Variants in TNRC6B observed in about 807,000 individuals in gnomAD.
TNRC6B encodes the protein trinucleotide repeat-containing gene 6B protein.
Under a neutral mutation model 203.6 loss-of-function variants are expected in TNRC6B, and 52 were observed. That is an observed-to-expected ratio of 0.26 (90% confidence interval 0.20 to 0.32). TNRC6B has a LOEUF of 0.32. Ranked by LOEUF, TNRC6B falls within the 10% of genes least tolerant of loss-of-function variation. The pLI is 1.00. For synonymous variants in TNRC6B, 838 were observed against 845.7 expected (o/e 0.99, Z 0.16); for missense variants, 1,923 against 2,286.2 (o/e 0.84, Z 3.24).
intron 1 of TNRC6B, among the ~76,000 whole-genome samples, chr22:40,222,162 G>A (rs900920371): frequency 8.5e-5 from 13 of 152,080 alleles, no homozygotes; most frequent in African/African-American, 3.1e-4. Flanking sequence ...GGGAGTCCCT[G>A]GAACCTCTTA....
At chr22:40,077,818 G>A (rs186966515) in intron 1 of TNRC6B, among the ~76,000 whole-genome samples, 3 of 152,182 alleles carry the variant, frequency 2.0e-5, no homozygotes, top group African/African-American at 7.2e-5. Flanking sequence ...CATGTCAGTG[G>A]ATACATACTG....
chr22:40,113,332 C>T (rs1224388697), intron 1 of TNRC6B, among the ~76,000 whole-genome samples: 1 of 152,010 alleles, frequency 6.6e-6, no homozygotes, highest in African/African-American at 2.4e-5. Context: ...TAAATAAAAC[C>T]ATCTGTTTCT....
intron 15 of TNRC6B, among the ~76,000 whole-genome samples, chr22:40,302,632 CAAAAAAA>C (rs200078286): frequency 1.4e-5 from 1 of 70,458 alleles, no homozygotes; most frequent in African/African-American, 6.5e-5. Flanking sequence ...GACCCCATCT[CAAAAAAA>C]AAAAAAAAAA....
chr22:40,315,678 A>G (rs2071247544), intron 20 of TNRC6B, among the ~76,000 whole-genome samples, 171 bp downstream of exon 20: 1 of 8,220 alleles, frequency 1.2e-4, no homozygotes, highest in Admixed American at 1.3e-3. Context: ...CGCAGTCAGT[A>G]TAAGGCAAAG....
chr22:40,322,090 TC>T (rs2071341468), intron 22 of TNRC6B, among the ~76,000 whole-genome samples: 1 of 152,182 alleles, frequency 6.6e-6, no homozygotes, highest in Admixed American at 6.5e-5. Context: ...GAGCAGCACT[TC>T]CGGGGACTGA....
intron 1 of TNRC6B, among the ~76,000 whole-genome samples, chr22:40,114,715 A>G (rs1179474532): frequency 6.6e-6 from 1 of 152,128 alleles, no homozygotes; most frequent in Non-Finnish European, 1.5e-5. Flanking sequence ...CACCCCTTCT[A>G]TGAATTCCAA....
At chr22:40,134,757 A>T (rs973606312) in intron 3 of TNRC6B, among the ~76,000 whole-genome samples, 1 of 152,232 alleles carries the variant, frequency 6.6e-6, no homozygotes, top group Non-Finnish European at 1.5e-5. Context: ...GAATTGTGAC[A>T]GATATACTAA....
intron 1 of TNRC6B, among the ~76,000 whole-genome samples, chr22:40,207,482 A>AT (rs2069497669): frequency 6.7e-6 from 1 of 149,914 alleles, no homozygotes; most frequent in Non-Finnish European, 1.5e-5. Context: ...GAAAAAGTTG[A>AT]TACATGTTCA....
At chr22:40,100,652 C>T (rs11705409) in intron 1 of TNRC6B, among the ~76,000 whole-genome samples, 32,102 of 152,138 alleles carry the variant, frequency 0.21, 3,575 homozygotes, top group South Asian at 0.3. Context: ...TCCCTAAACA[C>T]TGGGGTTTTG....
chr22:40,253,423 G>C (rs950659281), intron 3 of TNRC6B, among the ~76,000 whole-genome samples: 1 of 151,670 alleles, frequency 6.6e-6, no homozygotes. Context: ...AATTTGGGAG[G>C]GGTACCAGAC....
intron 1 of TNRC6B, among the ~76,000 whole-genome samples, chr22:40,056,235 C>G (rs1329076179): frequency 6.6e-6 from 1 of 152,166 alleles, no homozygotes; most frequent in Admixed American, 6.5e-5. Context: ...TTTGCATATT[C>G]AGAGCTTGAT....
chr22:40,085,134 C>G (rs1196563378), intron 1 of TNRC6B, among the ~76,000 whole-genome samples: 1 of 152,206 alleles, frequency 6.6e-6, no homozygotes, highest in Non-Finnish European at 1.5e-5. Context: ...GGAACTCCAG[C>G]TAACAGCTAC....
At chr22:40,209,714 A>G (rs920585426) in intron 1 of TNRC6B, among the ~76,000 whole-genome samples, 5 of 152,018 alleles carry the variant, frequency 3.3e-5, no homozygotes, top group Non-Finnish European at 5.9e-5. Context: ...AAAGACTTCC[A>G]CCTCTCTGGG....
chr22:40,106,472 T>C lies in TNRC6B; in HGVS notation c.-120-10583T>C, dbSNP rs1601818461. On this transcript the variant is annotated intron_variant, in intron 1 of 23. Transcript: ENST00000301923. ...AGTTATTTGCTTCTTTGAAGCATTT[T>C]CCAACAGTATAGATCTCATGAATCA... The C allele has an allele frequency of 3.6e-5, 27 of 757,620 alleles. No individual in the cohort carries two copies. In the East Asian group the frequency reaches 6.4e-4, roughly 18 times the overall value. 46.9% of individuals were successfully genotyped at this position (757,620 alleles called of 1,614,324 possible).
At chr22:40,204,479 A>G (rs890661616) in intron 1 of TNRC6B, among the ~76,000 whole-genome samples, 5 of 152,208 alleles carry the variant, frequency 3.3e-5, no homozygotes, top group African/African-American at 4.8e-5. Flanking sequence ...TTTCCTGGCT[A>G]CGGGCTTGAC....
rs189612189 is a variant in TNRC6B, at chr22:40,085,926, A to G, written c.-120-31129A>G. ...TGTTCTATTGTCCAGTCTGTAGTGC[A>G]GTGGTACAAACATGGCTTATGGCAG... is the stretch of plus-strand genomic sequence containing the variant. On this transcript the variant is annotated intron_variant, in intron 1 of 23. Transcript: ENST00000301923. 2.0e-5 allele frequency among the ~76,000 whole-genome samples: 3 copies of G among 152,164 alleles called. No homozygotes were observed. The East Asian group carries it at 5.8e-4, about 29-fold the overall frequency.
chr22:40,155,983 T>C (rs534947158), intron 3 of TNRC6B: 140 of 668,448 alleles, frequency 2.1e-4, no homozygotes, highest in Non-Finnish European at 3.0e-4. Context: ...TTGAAAACCA[T>C]TGGCCCAGGC....
intron 4 of TNRC6B, among the ~76,000 whole-genome samples, 198 bp from the exon 5 acceptor site, chr22:40,264,490 T>G (rs2070442691): frequency 6.6e-6 from 1 of 151,806 alleles, no homozygotes. Flanking sequence ...GAGATGAAGT[T>G]AGACTTAACC....
At chr22:40,190,124 T>C (rs753355066) in intron 1 of TNRC6B, among the ~76,000 whole-genome samples, 1 of 152,252 alleles carries the variant, frequency 6.6e-6, no homozygotes, top group Non-Finnish European at 1.5e-5. Flanking sequence ...GCCTCACTCA[T>C]AGGAATAAAC....
Sources: gnomAD v4.1 joint callset for allele counts (sites outside exome capture counted in the v4.1 genomes callset) on GRCh38, gnomAD v4.1.1 for gene constraint, MANE v1.5 for transcripts, NCBI Gene and HGNC (gene_info 2026-07-23, HGNC 2026-07-21) for gene names.